Variants in RAB5B observed in about 807,000 individuals in gnomAD.
RAB5B encodes ras-related protein Rab-5B.
Under a neutral mutation model 28.6 loss-of-function variants are expected in RAB5B, and 11 were observed. The observed-to-expected ratio is 0.38, with a 90% CI of 0.24 to 0.64. The LOEUF (loss-of-function observed/expected upper bound fraction) is 0.64, where lower values mean the gene tolerates loss of function less well. Among genes scored for constraint, RAB5B ranks in the 30% least tolerant of loss-of-function variants. RAB5B has a pLI of 0.53. For synonymous variants in RAB5B, 93 were observed against 97.9 expected, an observed-to-expected ratio of 0.95 and a Z score of 0.29; for missense variants, 169 against 265.6, an observed-to-expected ratio of 0.64 and a Z score of 2.53.
intron 1 of RAB5B, among the ~76,000 whole-genome samples, chr12:55,975,725 G>A (rs1485159422): frequency 6.6e-6 from 1 of 151,254 alleles, no homozygotes; most frequent in African/African-American, 2.4e-5. Context: ...GGAGCCTATT[G>A]GATTTTCCCT....
At position 55,996,630 on chromosome 12, in the gene RAB5B, C is replaced by A. The variant is rs1444931613; in HGVS notation, c.*4418C>A. 1.3e-5 allele frequency: 2 copies of A among 152,036 alleles called. No individual in the cohort carries two copies. The highest frequency in any genetic ancestry group is 4.8e-5 in the African/African-American group (2 of 41,382). The allele number at this position is 152,036 out of a possible 1,614,324, so 9.4% of individuals were successfully genotyped here. ...GTACTGGGACTACAGGCGTGTGCCA[C>A]CAAGGGGCGATTATTATTTTTTTTT... On this transcript the variant is annotated 3_prime_UTR_variant, in exon 6 of 6. Transcript: ENST00000360299.
chr12:55,986,293 C>G (rs1889948747), intron 1 of RAB5B, among the ~76,000 whole-genome samples: 1 of 152,110 alleles, frequency 6.6e-6, no homozygotes, highest in Admixed American at 6.5e-5. Context: ...ACTAAAAATA[C>G]AAAATTAGCC....
intron 2 of RAB5B, among the ~76,000 whole-genome samples, chr12:55,989,163 A>T (rs1890038456): frequency 6.6e-6 from 1 of 151,606 alleles, no homozygotes; most frequent in African/African-American, 2.4e-5. Flanking sequence ...GCTGGTCTCG[A>T]ACTCCTGACC....
rs190285832 is a variant in RAB5B, at chr12:55,983,164, C to T, written c.-92-3705C>T. Among the ~76,000 whole-genome samples, 118 of 151,938 alleles carry T rather than the reference C, an allele frequency of 7.8e-4. 1 individual carries two copies. The East Asian group carries it at 0.021, about 27-fold the overall frequency. ...CATAATCTCAGCTCACTGCAACCTC[C>T]GCCCTCTGGGTTCAAGCGATTCTCC... On this transcript the variant is annotated intron_variant, in intron 1 of 5. Transcript: ENST00000360299.
At chr12:55,984,926 TAGAG>T (rs1183296003) in intron 1 of RAB5B, among the ~76,000 whole-genome samples, 8 of 152,360 alleles carry the variant, frequency 5.3e-5, no homozygotes, top group African/African-American at 2.4e-5. Flanking sequence ...AGGTAAGGCT[TAGAG>T]AGGTAGAGAA....
At position 55,992,400 on chromosome 12, in the gene RAB5B, C is replaced by G. The variant is rs1890159639; in HGVS notation, c.*188C>G. The G allele has an allele frequency of 2.9e-6, 2 of 685,044 alleles. No individual in the cohort carries two copies. The highest frequency in any genetic ancestry group is 3.6e-5 in the African/African-American group (2 of 55,956). 42.4% of individuals were successfully genotyped at this position (685,044 alleles called of 1,614,324 possible). A position where few individuals can be genotyped will look rare whatever the true frequency, so the allele number is the denominator to read the frequency against. On this transcript the variant is annotated 3_prime_UTR_variant, in exon 6 of 6. Coordinates refer to ENST00000360299, the MANE Select transcript of RAB5B (RefSeq NM_002868.4). ...GCAACAAACACCAGGCAGCTGTTGC[C>G]ACTGGCCTCCTACCCCCTACTCTGG...
At chr12:55,985,756 T>C in intron 1 of RAB5B, 1 of 456,048 alleles carries the variant, frequency 2.2e-6, no homozygotes, top group Admixed American at 2.3e-5. Context: ...TTTGGAGGGC[T>C]ACAGCTGTTA....
Position 55,995,118 on chromosome 12 carries a change from C to T in RAB5B, c.*2906C>T, listed in dbSNP as rs894497861. The T allele has an allele frequency of 4.0e-4, 60 of 150,648 alleles. No homozygotes were observed. The highest frequency in any genetic ancestry group is 1.0e-3 in the African/African-American group (41 of 40,976). The allele number at this position is 150,648 out of a possible 1,614,324, so 9.3% of individuals were successfully genotyped here. On this transcript the variant is annotated 3_prime_UTR_variant, in exon 6 of 6. Coordinates refer to ENST00000360299, the MANE Select transcript of RAB5B (RefSeq NM_002868.4). ...TTTCTTTTTTTTTTTTTAATTGAGA[C>T]GGAGTCTCTGTCGCTAGCCTGGAGT...
At chr12:55,974,321 G>A (rs1271356232) in intron 1 of RAB5B, among the ~76,000 whole-genome samples, 182 bp downstream of exon 1, 1 of 152,348 alleles carries the variant, frequency 6.6e-6, no homozygotes, top group East Asian at 1.9e-4. Flanking sequence ...GGACTGGGCG[G>A]CCTGGGACCC....
At chr12:55,987,370 G>A (rs1008771464) in intron 2 of RAB5B, among the ~76,000 whole-genome samples, 1 of 151,748 alleles carries the variant, frequency 6.6e-6, no homozygotes, top group African/African-American at 2.4e-5. Context: ...CATCATGTTG[G>A]CCAGGTTGGT....
Position 55,981,741 on chromosome 12 carries a change from G to A in RAB5B, c.-92-5128G>A, listed in dbSNP as rs543186505. On this transcript the variant is annotated intron_variant, in intron 1 of 5. Coordinates refer to ENST00000360299, the MANE Select transcript of RAB5B (RefSeq NM_002868.4). ...TCCTGCATCTAGTGGGCTAACCCATGGTCAGGCCTCAATCCTCCCTAGTTA... is the reference window on the plus strand; with the variant it reads ...TCCTGCATCTAGTGGGCTAACCCATAGTCAGGCCTCAATCCTCCCTAGTTA... 2.0e-5 allele frequency among the ~76,000 whole-genome samples: 3 copies of A among 151,882 alleles called. No homozygotes were observed. In the East Asian group the frequency reaches 5.8e-4, roughly 29 times the overall value.
At chr12:55,984,881 T>C (rs764686099) in intron 1 of RAB5B, among the ~76,000 whole-genome samples, 15 of 152,330 alleles carry the variant, frequency 9.8e-5, no homozygotes, top group Non-Finnish European at 1.9e-4. Flanking sequence ...TTTGTAGCTA[T>C]GAGGATGGTA....
At chr12:55,984,034 C>A (rs990649528) in intron 1 of RAB5B, among the ~76,000 whole-genome samples, 4 of 151,406 alleles carry the variant, frequency 2.6e-5, no homozygotes, top group African/African-American at 9.7e-5. Context: ...TCCCCCCTAC[C>A]CACCCCAGGT....
intron 1 of RAB5B, chr12:55,980,598 G>T (rs531390991): frequency 5.0e-6 from 8 of 1,598,684 alleles, no homozygotes; most frequent in African/African-American, 4.0e-5. Flanking sequence ...TCGAAAAATC[G>T]GATTCCATGC....
chr12:55,988,982 C>T (rs1890033898), intron 2 of RAB5B, among the ~76,000 whole-genome samples: 2 of 123,742 alleles, frequency 1.6e-5, no homozygotes, highest in South Asian at 5.0e-4. Context: ...CACCCTGTTG[C>T]CCAGGCTGGA....
intron 1 of RAB5B, among the ~76,000 whole-genome samples, chr12:55,982,797 A>G (rs190697407): frequency 2.0e-4 from 31 of 152,030 alleles, no homozygotes; most frequent in African/African-American, 7.0e-4. Context: ...CTGTCTTTAC[A>G]CTCCCCCAGA....
At chr12:55,987,293 T>G (rs997582958) in intron 2 of RAB5B, among the ~76,000 whole-genome samples, 170 bp downstream of exon 2, 3 of 151,744 alleles carry the variant, frequency 2.0e-5, no homozygotes, top group Non-Finnish European at 4.4e-5. Flanking sequence ...CCCGAGTAAC[T>G]GGGATTACAG....
Position 55,986,978 on chromosome 12 carries a change from A to G in RAB5B, c.18A>G (p.Thr6=), listed in dbSNP as rs753481690. 1 of 1,537,534 alleles carries G rather than the reference A, an allele frequency of 6.5e-7. No individual in the cohort carries two copies. The highest frequency in any genetic ancestry group is 1.8e-5 in the Admixed American group (1 of 55,008). ...ATCTGGCCATGACTAGCAGAAGCACAGCTAGGCCCAATGGGCAACCCCAGG... is the reference window on the plus strand; with the variant it reads ...ATCTGGCCATGACTAGCAGAAGCACGGCTAGGCCCAATGGGCAACCCCAGG... MTSRS[T]ARPNGQPQAS... Residue 6 remains threonine, a synonymous_variant, in exon 2 of 6, where the codon ACA becomes ACG. Transcript: ENST00000360299.
intron 2 of RAB5B, among the ~76,000 whole-genome samples, 189 bp from the exon 3 acceptor site, chr12:55,989,758 A>G (rs1476547883): frequency 6.6e-6 from 1 of 152,208 alleles, no homozygotes; most frequent in Non-Finnish European, 1.5e-5. Flanking sequence ...GGAAGGACTT[A>G]GCCAAGGGCA....
Sources: gnomAD v4.1 joint callset for allele counts (sites outside exome capture counted in the v4.1 genomes callset) on GRCh38, gnomAD v4.1.1 for gene constraint, MANE v1.5 for transcripts, NCBI Gene and HGNC (gene_info 2026-07-23, HGNC 2026-07-21) for gene names.